The following RBM6 variants were observed in gnomAD, a reference collection of about 807,000 sequenced individuals.
RBM6 encodes RNA binding motif protein 6, also known as RNA-binding protein 6.
A neutral mutation model predicts 140.4 loss-of-function variants in RBM6; 23 were observed. The observed-to-expected ratio is 0.16, with a 90% confidence interval of 0.12 to 0.23. The LOEUF (loss-of-function observed/expected upper bound fraction) is 0.23. Among genes scored for constraint, RBM6 ranks in the 10% least tolerant of loss-of-function variants. The pLI, the probability that RBM6 is intolerant of heterozygous loss-of-function variation, is 1.00. For missense variants in RBM6, 1,139 were observed against 1,386.7 expected (o/e 0.82, Z 2.84); for synonymous variants, 439 against 475.6 (o/e 0.92, Z 1.00).
chr3:49,994,479 T>G (rs2085978050), intron 5 of RBM6, among the ~76,000 whole-genome samples: 1 of 152,178 alleles, frequency 6.6e-6, no homozygotes, highest in Non-Finnish European at 1.5e-5. Context: ...CTGTTTCGGT[T>G]TTGCTAAAAT....
intron 6 of RBM6, among the ~76,000 whole-genome samples, chr3:50,019,041 AT>A (rs879431783): frequency 9.6e-4 from 137 of 142,890 alleles, no homozygotes; most frequent in Admixed American, 9.1e-4. Context: ...TTATTTATTT[AT>A]TTTTTTTTTT....
chr3:49,962,747 T>C (rs1381865723), intron 2 of RBM6, 62 bp downstream of exon 2: 4 of 1,370,378 alleles, frequency 2.9e-6, no homozygotes, highest in Non-Finnish European at 4.0e-6. Flanking sequence ...TGTAACATTT[T>C]CGCCTACTAT....
At chr3:49,981,536 G>A (rs1007310590) in intron 5 of RBM6, 1 of 152,164 alleles carries the variant, frequency 6.6e-6, no homozygotes, top group Non-Finnish European at 1.5e-5. Flanking sequence ...TTAATAATAA[G>A]CAAGTGGACC....
At chr3:49,997,156 C>T (rs2108729232) in intron 5 of RBM6, among the ~76,000 whole-genome samples, 1 of 151,944 alleles carries the variant, frequency 6.6e-6, no homozygotes, top group East Asian at 1.9e-4. Context: ...CTTGAACACA[C>T]AGAATACCTT....
At chr3:49,996,113 G>A (rs371291006) in intron 5 of RBM6, among the ~76,000 whole-genome samples, 1 of 152,124 alleles carries the variant, frequency 6.6e-6, no homozygotes, top group Non-Finnish European at 1.5e-5. Context: ...TGTGGCTTCA[G>A]TTTGTCTCCT....
chr3:49,978,609 G>A (rs2085164443), intron 5 of RBM6, among the ~76,000 whole-genome samples: 1 of 152,162 alleles, frequency 6.6e-6, no homozygotes, highest in African/African-American at 2.4e-5. Flanking sequence ...TAGAAATGTA[G>A]TTTACATAGA....
intron 1 of RBM6, among the ~76,000 whole-genome samples, chr3:49,956,291 G>A (rs1047786954): frequency 6.7e-6 from 1 of 149,606 alleles, no homozygotes; most frequent in Non-Finnish European, 1.5e-5. Context: ...AAAGTGTTGG[G>A]ATTACAGGCA....
intron 14 of RBM6, 102 bp from the exon 15 acceptor site, chr3:50,061,860 A>G (rs1203848849): frequency 1.4e-6 from 2 of 1,443,036 alleles, no homozygotes; most frequent in Admixed American, 4.9e-5. Flanking sequence ...TGTAAGTAAA[A>G]AAGTTGTTTC....
intron 1 of RBM6, among the ~76,000 whole-genome samples, chr3:49,956,171 C>T (rs923719495): frequency 2.0e-5 from 3 of 151,608 alleles, no homozygotes; most frequent in Non-Finnish European, 4.4e-5. Flanking sequence ...TATAGGTGTG[C>T]CACCACCATG....
intron 6 of RBM6, among the ~76,000 whole-genome samples, chr3:50,019,977 G>A (rs540382722): frequency 6.6e-6 from 1 of 151,344 alleles, no homozygotes; most frequent in East Asian, 1.9e-4. Context: ...AGAGTGCAGT[G>A]GCACAATCAC....
intron 1 of RBM6, among the ~76,000 whole-genome samples, chr3:49,960,875 A>G (rs1204744103): frequency 1.3e-5 from 2 of 151,484 alleles, no homozygotes; most frequent in East Asian, 3.9e-4. Context: ...TGAAGCATTC[A>G]TAGCACATTG....
At chr3:50,035,392 A>C in intron 6 of RBM6, among the ~76,000 whole-genome samples, 1 of 152,034 alleles carries the variant, frequency 6.6e-6, no homozygotes, top group Non-Finnish European at 1.5e-5. Context: ...TGTATAATAG[A>C]AACTTCAGGA....
intron 17 of RBM6, among the ~76,000 whole-genome samples, chr3:50,068,166 C>T (rs1254166900): frequency 2.0e-5 from 3 of 152,188 alleles, no homozygotes; most frequent in Non-Finnish European, 4.4e-5. Flanking sequence ...TCCTTAAGGT[C>T]GTCTGCTACA....
intron 6 of RBM6, among the ~76,000 whole-genome samples, chr3:50,002,944 G>A (rs1431616763): frequency 6.6e-5 from 10 of 151,692 alleles, no homozygotes; most frequent in African/African-American, 2.4e-4. Flanking sequence ...GTGAAACCCC[G>A]TCTCTACTAA....
intron 1 of RBM6, among the ~76,000 whole-genome samples, chr3:49,954,431 C>T (rs1259277416): frequency 6.9e-6 from 1 of 145,832 alleles, no homozygotes; most frequent in East Asian, 2.0e-4. Flanking sequence ...CAGAGCGAGA[C>T]TCCATCTCAA....
chr3:49,967,398 GAGA>G lies in RBM6; in HGVS notation c.45-67_45-65del. 1 of 1,535,232 alleles carries G rather than the reference GAGA, an allele frequency of 6.5e-7. No individual in the cohort carries two copies. On this transcript the variant is annotated intron_variant, in intron 2 of 20. Transcript: ENST00000266022. The surrounding 1 kb of genome is among the most constrained non-coding windows in gnomAD (Gnocchi z 4.0). The stretch of plus-strand genomic sequence containing the variant: ...TTTACAGAAGAATGTGCTGTGATTA[GAGA>G]AGAATATGCTGGTGTGTAGATTTCA...
At chr3:50,034,204 G>T (rs2088367974) in intron 6 of RBM6, among the ~76,000 whole-genome samples, 1 of 150,222 alleles carries the variant, frequency 6.7e-6, no homozygotes, top group Admixed American at 6.6e-5. Flanking sequence ...GGCTGGTCTG[G>T]AACTCCTGAC....
At chr3:49,981,673 T>C (rs1046569696) in intron 5 of RBM6, 4 of 152,192 alleles carry the variant, frequency 2.6e-5, no homozygotes, top group African/African-American at 7.2e-5. Context: ...GTGTTGGTAC[T>C]ATCTTATGAC....
chr3:49,964,046 G>A (rs1026294015), intron 2 of RBM6, among the ~76,000 whole-genome samples: 16 of 151,986 alleles, frequency 1.1e-4, no homozygotes, highest in Admixed American at 3.3e-4. Context: ...GACTACAGGT[G>A]TATGCCACCA....
Sources: allele counts gnomAD v4.1 joint callset (sites outside exome capture counted in the v4.1 genomes callset), GRCh38; gene constraint gnomAD v4.1.1; non-coding constraint Gnocchi (gnomAD v3.1); transcripts MANE v1.5; gene names NCBI Gene and HGNC (gene_info 2026-07-23, HGNC 2026-07-21).